The following YTHDC1 variants were observed in gnomAD, a reference collection of about 807,000 sequenced individuals.
The protein encoded by YTHDC1 is YTH domain-containing protein 1.
Under a neutral mutation model 107.0 loss-of-function variants are expected in YTHDC1, and 12 were observed. That is an observed-to-expected ratio of 0.11 (90% confidence interval 0.07 to 0.18). The LOEUF (loss-of-function observed/expected upper bound fraction) is 0.18. Ranked by LOEUF, YTHDC1 falls within the 10% of genes least tolerant of loss-of-function variation. The pLI is 1.00. For synonymous variants in YTHDC1, 280 were observed against 289.5 expected, an observed-to-expected ratio of 0.97 and a Z score of 0.33; for missense variants, 635 against 898.8, an observed-to-expected ratio of 0.71 and a Z score of 3.75.
At chr4:68,348,131 C>A (rs1386849099) in intron 1 of YTHDC1, among the ~76,000 whole-genome samples, 2 of 152,322 alleles carry the variant, frequency 1.3e-5, no homozygotes, top group East Asian at 3.9e-4. Flanking sequence ...ATTATCATCA[C>A]TAAATCATTT....
chr4:68,330,123 A>G lies in YTHDC1; in HGVS notation c.1232-4T>C. ...TCTGAAGAAAGTCTTGCAAACCCTA[A>G]GAGAATCATATCATAATATAATATG... On this transcript the variant is annotated splice_polypyrimidine_tract_variant and splice_region_variant and intron_variant, in intron 8 of 16. Coordinates refer to ENST00000344157, the MANE Select transcript of YTHDC1 (RefSeq NM_001031732.4). The G allele has an allele frequency of 6.2e-7, 1 of 1,607,926 alleles. No individual in the cohort carries two copies. The highest frequency in any genetic ancestry group is 1.1e-5 in the South Asian group (1 of 90,774).
Position 68,333,403 on chromosome 4 carries a change from A to C in YTHDC1, c.884-6T>G, listed in dbSNP as rs1387511574. On this transcript the variant is annotated splice_region_variant and splice_polypyrimidine_tract_variant and intron_variant, in intron 4 of 16. Coordinates refer to ENST00000344157, the MANE Select transcript of YTHDC1 (RefSeq NM_001031732.4). ...CCTTTCCTTCTTTTTCTCATCTAAA[A>C]AGAACAAGAGTTTTTTTTTTAAATC... is the stretch of plus-strand genomic sequence containing the variant. 3 of 1,596,698 alleles carry C rather than the reference A, an allele frequency of 1.9e-6. No individual in the cohort carries two copies. Among genetic ancestry groups the C allele is most frequent in the South Asian group, 2.3e-5 (2 of 88,578 alleles).
intron 1 of YTHDC1, 96 bp downstream of exon 1, chr4:68,349,630 A>AGGCCCCCC: frequency 2.6e-5 from 4 of 153,366 alleles, no homozygotes; most frequent in South Asian, 8.9e-5. Context: ...TAACCTCCCC[A>AGGCCCCCC]ACCCCCACCC....
chr4:68,337,672 C>T lies in YTHDC1; in HGVS notation c.359G>A (p.Ser120Asn). The change falls in exon 3 of 17, where the codon AGT becomes AAT. Residue 120 changes from serine to asparagine, a missense_variant. Physicochemically the swap from Ser to Asn is conservative, Grantham distance 46 (BLOSUM62 1). This residue lies in a region of YTHDC1 where 294 missense variants were observed against 312.3 expected (regional missense o/e 0.94). Transcript: ENST00000344157. ...DADRKIRLSS[S>N]ASREPYKNQP... ...ATTCTTATAAGGTTCTCTGGAGGCA[C>T]TACTTGATAGACGAATTTTCCGATC... 1 of 1,614,132 alleles carries T rather than the reference C, an allele frequency of 6.2e-7. No individual in the cohort carries two copies. Among genetic ancestry groups the T allele is most frequent in the Non-Finnish European group, 8.5e-7 (1 of 1,180,022 alleles).
At chr4:68,314,611 C>T (rs1357922184) in intron 16 of YTHDC1, among the ~76,000 whole-genome samples, 1 of 152,084 alleles carries the variant, frequency 6.6e-6, no homozygotes, top group East Asian at 1.9e-4. Context: ...ATGACTTTTC[C>T]ATCTGATCCC....
chr4:68,327,106 C>T (rs1466892592), intron 9 of YTHDC1, among the ~76,000 whole-genome samples: 2 of 151,578 alleles, frequency 1.3e-5, no homozygotes, highest in African/African-American at 4.8e-5. Flanking sequence ...CGTGGTGGCA[C>T]ATGCCTGTAA....
At chr4:68,326,473 G>A (rs1723000413) in intron 9 of YTHDC1, among the ~76,000 whole-genome samples, 1 of 152,186 alleles carries the variant, frequency 6.6e-6, no homozygotes, top group South Asian at 2.1e-4. Flanking sequence ...GAGCAGCTAT[G>A]TTATGAAGCA....
intron 1 of YTHDC1, among the ~76,000 whole-genome samples, chr4:68,345,644 C>T (rs952474223): frequency 5.9e-5 from 9 of 152,042 alleles, no homozygotes; most frequent in South Asian, 2.1e-4. Context: ...AAATTTTCTA[C>T]CTTACTTATA....
chr4:68,340,651 C>G (rs143059164), intron 1 of YTHDC1, among the ~76,000 whole-genome samples: 1 of 151,840 alleles, frequency 6.6e-6, no homozygotes, highest in Non-Finnish European at 1.5e-5. Flanking sequence ...AAAGTAGATC[C>G]AACAGGTCTT....
chr4:68,330,336 A>G lies in YTHDC1; in HGVS notation c.1123-26T>C, dbSNP rs368857289. On this transcript the variant is annotated intron_variant, in intron 7 of 16. Transcript: ENST00000344157. ...CTACATAAATAACATAAAGACCACA[A>G]AGTGAAATTAACTACAACTCTTTTG... is the stretch of plus-strand genomic sequence containing the variant. 22 of 1,411,996 alleles carry G rather than the reference A, an allele frequency of 1.6e-5. No individual in the cohort carries two copies. In the African/African-American group the frequency reaches 2.6e-4, roughly 17 times the overall value. 87.5% of individuals were successfully genotyped at this position (1,411,996 alleles called of 1,614,324 possible).
Position 68,322,711 on chromosome 4 carries a change from T to G in YTHDC1, c.1601+38A>C. 1 of 1,602,888 alleles carries G rather than the reference T, an allele frequency of 6.2e-7. No individual in the cohort carries two copies. Among genetic ancestry groups the G allele is most frequent in the Non-Finnish European group, 8.5e-7 (1 of 1,171,930 alleles). ...ATATTCCTCCATCATGTTATTCTGA[T>G]ACATGTGCCTATTATCAGTCCAAAG... On this transcript the variant is annotated intron_variant, in intron 11 of 16. Coordinates refer to ENST00000344157, the MANE Select transcript of YTHDC1 (RefSeq NM_001031732.4). This position sits in a 1 kb window ranked among gnomAD's most constrained non-coding sequence, Gnocchi z 4.8.
In YTHDC1 at chr4:68,332,179, T is replaced by C. The variant is rs1203940204; in HGVS notation, c.1046A>G (p.Lys349Arg). 1.2e-6 allele frequency: 2 copies of C among 1,605,410 alleles called. No individual in the cohort carries two copies. Among genetic ancestry groups the C allele is most frequent in the Non-Finnish European group, 1.7e-6 (2 of 1,175,990 alleles). Residue 349 changes from lysine to arginine, a missense_variant, in exon 7 of 17, where the codon AAA becomes AGA. Coordinates refer to ENST00000344157, the MANE Select transcript of YTHDC1 (RefSeq NM_001031732.4). ...AVRKDQTSKL[K>R]YVLQDARFFL... is the part of the protein sequence containing the mutation. ...AAATCTTGCATCTTGAAGCACATAT[T>C]TGAGTTTACTGGTTTGATCTGAAAA... is the stretch of plus-strand genomic sequence containing the variant.
chr4:68,317,244 C>A (rs1044817908), intron 15 of YTHDC1, among the ~76,000 whole-genome samples: 5 of 151,838 alleles, frequency 3.3e-5, no homozygotes, highest in African/African-American at 4.8e-5. Flanking sequence ...AGTCCAGGAG[C>A]AAATTAACTT....
rs1022493938 is a variant in YTHDC1 at position 68,313,541 on chromosome 4, C to T, written c.*558G>A. The T allele has an allele frequency of 2.6e-5, 4 of 153,162 alleles. No homozygotes were observed. The highest frequency in any genetic ancestry group is 2.0e-4 in the South Asian group (1 of 4,880). The allele number at this position is 153,162 out of a possible 1,614,324, so 9.5% of individuals were successfully genotyped here. The stretch of plus-strand genomic sequence containing the variant: ...AGCAATGTCTTCTTAATATTGCTCT[C>T]GTCATTGAAGACTGAGGAAAAATAA... On this transcript the variant is annotated 3_prime_UTR_variant, in exon 17 of 17. Coordinates refer to ENST00000344157, the MANE Select transcript of YTHDC1 (RefSeq NM_001031732.4).
chr4:68,332,665 T>C (rs1723724561), intron 6 of YTHDC1, 129 bp downstream of exon 6: 2 of 736,250 alleles, frequency 2.7e-6, no homozygotes, highest in Non-Finnish European at 4.4e-6. Flanking sequence ...TATGTTAAGA[T>C]ATTATTTTTT....
rs1192154105 is a variant in YTHDC1 at position 68,313,219 on chromosome 4, A to C, written c.*880T>G. On this transcript the variant is annotated 3_prime_UTR_variant, in exon 17 of 17. Transcript: ENST00000344157. ...TGCTAAAGTGTGCCTCAAAAAAAGC[A>C]AATGGGGTTCCTAAAATTCCTGAAC... is the stretch of plus-strand genomic sequence containing the variant. 1.3e-5 allele frequency: 2 copies of C among 152,272 alleles called. No homozygotes were observed. Among genetic ancestry groups the C allele is most frequent in the African/African-American group, 4.8e-5 (2 of 41,454 alleles). The allele number at this position is 152,272 out of a possible 1,614,324, so 9.4% of individuals were successfully genotyped here.
At chr4:68,329,880 G>A (rs1377252570) in intron 9 of YTHDC1, 122 bp downstream of exon 9, 1 of 686,478 alleles carries the variant, frequency 1.5e-6, no homozygotes, top group Non-Finnish European at 2.5e-6. Flanking sequence ...TCCCACATTA[G>A]ATAAAGGTAG....
intron 1 of YTHDC1, among the ~76,000 whole-genome samples, chr4:68,345,896 G>C (rs1725354233): frequency 1.3e-5 from 2 of 151,776 alleles, no homozygotes; most frequent in South Asian, 4.2e-4. Context: ...CTGTTGCCTA[G>C]GGACAATAGA....
chr4:68,332,693 G>T (rs1179071573), intron 6 of YTHDC1, 101 bp downstream of exon 6: 1 of 1,027,740 alleles, frequency 9.7e-7, no homozygotes, highest in African/African-American at 1.6e-5. Context: ...GTAATATATC[G>T]GAACATTACT....
Sources: allele counts gnomAD v4.1 joint callset (sites outside exome capture counted in the v4.1 genomes callset), GRCh38; gene constraint gnomAD v4.1.1; regional missense constraint gnomAD v4.1.1; non-coding constraint Gnocchi (gnomAD v3.1); transcripts MANE v1.5; gene names NCBI Gene and HGNC (gene_info 2026-07-23, HGNC 2026-07-21).